The following GLMN variants were observed in gnomAD, a reference collection of about 807,000 sequenced individuals.
GLMN encodes glomulin, FKBP associated protein.
A neutral mutation model predicts 87.8 loss-of-function variants in GLMN; 75 were observed. That is an observed-to-expected ratio of 0.85 (90% CI 0.71 to 1.04). The LOEUF (loss-of-function observed/expected upper bound fraction) is 1.04, where lower values mean the gene tolerates loss of function less well. Among genes scored for constraint, GLMN ranks in the 50% least tolerant of loss-of-function variants. The probability of loss-of-function intolerance (pLI) is 0.00; values close to 1 mark genes in which losing one functional copy is unlikely to be tolerated. For missense variants in GLMN, 588 were observed against 658.8 expected (o/e 0.89, Z 1.18); for synonymous variants, 206 against 221.6 (o/e 0.93, Z 0.63).
At chr1:92,323,296 C>A in the GLMN span, 1 of 447,198 alleles carries the variant, frequency 2.2e-6, no homozygotes. Context: ...TATATCAGAA[C>A]CTAGAAATAA....
At chr1:92,311,061 A>T in the GLMN span, among the ~76,000 whole-genome samples, 1 of 152,166 alleles carries the variant, frequency 6.6e-6, no homozygotes, top group East Asian at 1.9e-4. Flanking sequence ...AATGCCTCTG[A>T]TATTTTCTAC....
At chr1:92,284,417 T>C (rs540341225) in intron 7 of GLMN, among the ~76,000 whole-genome samples, 1 of 152,142 alleles carries the variant, frequency 6.6e-6, no homozygotes, top group Non-Finnish European at 1.5e-5. Context: ...TGGCTAGCCA[T>C]ATGTAGAAAG....
chr1:92,338,084 C>A, the GLMN span, among the ~76,000 whole-genome samples: 86 of 152,044 alleles, frequency 5.7e-4, 1 homozygote, highest in African/African-American at 2.0e-3. Flanking sequence ...TCACAGGCAT[C>A]ATTAATTATT....
the GLMN span, chr1:92,336,417 C>T: frequency 1.0e-5 from 16 of 1,599,918 alleles, no homozygotes; most frequent in South Asian, 6.6e-5. Flanking sequence ...AAATCTTGTT[C>T]GAACTTTCAG....
intron 6 of GLMN, among the ~76,000 whole-genome samples, chr1:92,288,484 A>G (rs1213715129): frequency 6.6e-6 from 1 of 152,170 alleles, no homozygotes; most frequent in Non-Finnish European, 1.5e-5. Context: ...ACTGGAGTAC[A>G]GTGGCCAATC....
the GLMN span, among the ~76,000 whole-genome samples, chr1:92,363,485 C>T: frequency 6.6e-6 from 1 of 152,170 alleles, no homozygotes; most frequent in Non-Finnish European, 1.5e-5. Flanking sequence ...GAGATTTTTA[C>T]ATCATGCCTA....
the GLMN span, among the ~76,000 whole-genome samples, chr1:92,341,060 C>T: frequency 6.6e-6 from 1 of 152,070 alleles, no homozygotes; most frequent in Non-Finnish European, 1.5e-5. Context: ...CCAGGTTGGA[C>T]TGCCGTGTCG....
Position 92,263,644 on chromosome 1 carries a change from T to C in GLMN, c.1388A>G (p.Asp463Gly). 1 of 1,532,718 alleles carries C rather than the reference T, an allele frequency of 6.5e-7. No homozygotes were observed. Among genetic ancestry groups the C allele is most frequent in the Non-Finnish European group, 9.0e-7 (1 of 1,105,694 alleles). 94.9% of individuals were successfully genotyped at this position (1,532,718 alleles called of 1,614,324 possible). ...TCACCTATCTGAGTTTTGCAGTAAATCTGTTTCTGCACCCTCTGGGAGAAA... is the reference window on the plus strand; with the variant it reads ...TCACCTATCTGAGTTTTGCAGTAAACCTGTTTCTGCACCCTCTGGGAGAAA... Reference protein sequence around the residue: ...VLFLPEGAETDLLQNSDRIMA... With the variant: ...VLFLPEGAETGLLQNSDRIMA... Residue 463 changes from aspartate (D) to glycine (G), a missense_variant, in exon 15 of 19, where the codon GAT becomes GGT. Transcript: ENST00000370360.
the GLMN span, among the ~76,000 whole-genome samples, chr1:92,336,740 T>C: frequency 6.6e-6 from 1 of 152,114 alleles, no homozygotes; most frequent in South Asian, 2.1e-4. Flanking sequence ...TAAATATATA[T>C]TGGCTGACCC....
intron 3 of GLMN, among the ~76,000 whole-genome samples, chr1:92,291,833 G>GGA (rs1438643852): frequency 6.6e-6 from 1 of 152,140 alleles, no homozygotes; most frequent in East Asian, 1.9e-4. Context: ...GAGTTAATTT[G>GGA]CTTAATACAG....
At chr1:92,283,590 A>G (rs1479060126) in intron 7 of GLMN, among the ~76,000 whole-genome samples, 2 of 152,200 alleles carry the variant, frequency 1.3e-5, no homozygotes, top group Non-Finnish European at 2.9e-5. Context: ...CACCACTCCT[A>G]TTCAACACAG....
At chr1:92,337,273 G>A in the GLMN span, among the ~76,000 whole-genome samples, 7 of 152,134 alleles carry the variant, frequency 4.6e-5, 1 homozygote, top group South Asian at 1.5e-3. Flanking sequence ...TACAGTACAG[G>A]AACAGTTTCT....
the GLMN span, among the ~76,000 whole-genome samples, chr1:92,328,912 T>C: frequency 6.6e-6 from 1 of 152,162 alleles, no homozygotes; most frequent in East Asian, 1.9e-4. Flanking sequence ...ATTGTTATTG[T>C]TCTTGTGGAT....
chr1:92,271,259 C>A (rs182673834), intron 8 of GLMN, among the ~76,000 whole-genome samples: 1 of 152,308 alleles, frequency 6.6e-6, no homozygotes, highest in African/African-American at 2.4e-5. Flanking sequence ...CATTCCCTTA[C>A]ACCTATTTCA....
At position 92,286,783 on chromosome 1, in the gene GLMN, A is replaced by T. The variant is rs569972108; in HGVS notation, c.633-191T>A. ...GTGGGAATTAGGCCAAGGGGGCTCC[A>T]CTCTCACGGATGAGATTAATGCTGT... is the stretch of plus-strand genomic sequence containing the variant. On this transcript the variant is annotated intron_variant, in intron 6 of 18. Transcript: ENST00000370360. Among the ~76,000 whole-genome samples, 13 of 152,290 alleles carry T rather than the reference A, an allele frequency of 8.5e-5. No individual in the cohort carries two copies. The South Asian group carries it at 2.3e-3, about 27-fold the overall frequency.
chr1:92,267,703 CAA>C (rs10718329), intron 11 of GLMN, among the ~76,000 whole-genome samples: 64 of 142,802 alleles, frequency 4.5e-4, no homozygotes, highest in Admixed American at 7.0e-4. Flanking sequence ...GACTACACCT[CAA>C]AAAAAAAAAA....
intron 16 of GLMN, among the ~76,000 whole-genome samples, chr1:92,252,494 G>A (rs1185699377): frequency 6.6e-6 from 1 of 152,128 alleles, no homozygotes. Context: ...TAAAACCTTA[G>A]CTGTTTTCAA....
chr1:92,301,537 A>C (rs1443666303), upstream of GLMN: 6 of 1,594,496 alleles, frequency 3.8e-6, no homozygotes, highest in East Asian at 1.4e-4. Context: ...AGCTCTACAT[A>C]TTGTTGAACA....
At chr1:92,287,055 G>A (rs192975473) in intron 6 of GLMN, among the ~76,000 whole-genome samples, 66 of 152,276 alleles carry the variant, frequency 4.3e-4, no homozygotes, top group Non-Finnish European at 7.5e-4. Context: ...GTGATGTAAC[G>A]TCGTTCGTAC....
Sources: allele counts gnomAD v4.1 joint callset (sites outside exome capture counted in the v4.1 genomes callset), GRCh38; gene constraint gnomAD v4.1.1; transcripts MANE v1.5; gene names NCBI Gene and HGNC (gene_info 2026-07-23, HGNC 2026-07-21).